Variants in NRCAM observed in about 807,000 individuals in gnomAD.
The protein encoded by NRCAM is NgCAM-related cell adhesion molecule.
A neutral mutation model predicts 156.5 loss-of-function variants in NRCAM; 83 were observed. That is an observed-to-expected ratio of 0.53 (90% confidence interval 0.44 to 0.64). The LOEUF is 0.64. NRCAM is among the 30% of genes least tolerant of loss of function. The probability of loss-of-function intolerance (pLI) is 0.00; values close to 1 mark genes in which losing one functional copy is unlikely to be tolerated. For missense variants in NRCAM, 1,417 were observed against 1,597.3 expected (o/e 0.89, Z 1.92); for synonymous variants, 538 against 563.9 (o/e 0.95, Z 0.65).
intron 2 of NRCAM, among the ~76,000 whole-genome samples, chr7:108,381,889 G>A (rs1393439657): frequency 6.6e-6 from 1 of 152,074 alleles, no homozygotes; most frequent in African/African-American, 2.4e-5. Context: ...CATGGCTTTA[G>A]GGTAATCTCA....
In NRCAM at chr7:108,181,910, C is replaced by T. The variant is rs557294509; in HGVS notation, c.2558G>A (p.Arg853His). The T allele has an allele frequency of 1.1e-5, 18 of 1,613,936 alleles. No homozygotes were observed. Among genetic ancestry groups the T allele is most frequent in the East Asian group, 2.2e-5 (1 of 44,890 alleles). ...TAAGGTACTGTTCACCACATTCACA[C>T]GCACGTTCCCAGGAGCCACCATTGG... ...DLPMVAPGNV[R>H]VNVVNSTLAE... is the part of the protein sequence containing the mutation. Residue 853 changes from arginine to histidine, a missense_variant, in exon 24 of 33, where the codon CGT becomes CAT. Coordinates refer to ENST00000379028, the MANE Select transcript of NRCAM (RefSeq NM_001037132.4).
intron 1 of NRCAM, among the ~76,000 whole-genome samples, chr7:108,432,049 C>A (rs1181039149): frequency 2.6e-5 from 4 of 152,150 alleles, no homozygotes; most frequent in African/African-American, 9.7e-5. Context: ...ACAGGCAATG[C>A]TGCTAAGAAA....
At position 108,182,745 on chromosome 7, in the gene NRCAM, A is replaced by T; in HGVS notation, c.2480T>A (p.Met827Lys). Reference sequence around the variant, plus strand: ...TACAGCTGGCTCGGGGGCAAACCCCATGTCATTCAGGGCCTGAACTTTGAT... The same window carrying T: ...TACAGCTGGCTCGGGGGCAAACCCCTTGTCATTCAGGGCCTGAACTTTGAT... ...YLIKVQALND[M>K]GFAPEPAVVM... Residue 827 changes from methionine to lysine, a missense_variant, in exon 23 of 33, where the codon ATG becomes AAG. Coordinates refer to ENST00000379028, the MANE Select transcript of NRCAM (RefSeq NM_001037132.4). 2 of 1,614,242 alleles carry T rather than the reference A, an allele frequency of 1.2e-6. No homozygotes were observed. The highest frequency in any genetic ancestry group is 1.7e-6 in the Non-Finnish European group (2 of 1,180,046).
chr7:108,368,235 C>CCCA, intron 2 of NRCAM, among the ~76,000 whole-genome samples: 1 of 95,132 alleles, frequency 1.1e-5, no homozygotes. Flanking sequence ...CCCCCCCCCA[C>CCCA]CCCCCCGCCT....
intron 1 of NRCAM, among the ~76,000 whole-genome samples, chr7:108,411,018 T>C (rs1368482290): frequency 2.0e-5 from 3 of 152,196 alleles, no homozygotes; most frequent in Non-Finnish European, 4.4e-5. Context: ...TAAAAAAACT[T>C]TCCTTCTACA....
intron 2 of NRCAM, among the ~76,000 whole-genome samples, chr7:108,384,974 T>C (rs1478043416): frequency 1.3e-5 from 2 of 152,156 alleles, no homozygotes; most frequent in Non-Finnish European, 2.9e-5. Context: ...GAACAAAGAA[T>C]AGCAGTATGA....
At chr7:108,181,350 A>G (rs1358316543) in intron 24 of NRCAM, among the ~76,000 whole-genome samples, 3 of 152,056 alleles carry the variant, frequency 2.0e-5, no homozygotes, top group African/African-American at 4.8e-5. Context: ...TTTATCTTTC[A>G]GTACTTCTCA....
intron 13 of NRCAM, among the ~76,000 whole-genome samples, chr7:108,199,793 G>GT (rs1369472344): frequency 2.0e-5 from 3 of 152,178 alleles, no homozygotes; most frequent in Non-Finnish European, 4.4e-5. Flanking sequence ...CTTTTGCCAT[G>GT]TAAGGTGACA....
At position 108,234,618 on chromosome 7, in the gene NRCAM, T is replaced by A; in HGVS notation, c.195A>T (p.Val65=). Residue 65 remains valine, a synonymous_variant, in exon 6 of 33, where the codon GTA becomes GTT. Coordinates refer to ENST00000379028, the MANE Select transcript of NRCAM (RefSeq NM_001037132.4). The part of the protein sequence containing the change: ...DYIIDPRENI[V]IQCEAKGKPP... ...GTTTCCCTTTGGCTTCACACTGGAT[T>A]ACAATATTCTCCCGAGGGTCAATAA... 3.6e-5 allele frequency: 58 copies of A among 1,613,182 alleles called. No individual in the cohort carries two copies. The highest frequency in any genetic ancestry group is 4.9e-5 in the Non-Finnish European group (58 of 1,179,318).
chr7:108,288,975 G>A (rs943390918), intron 3 of NRCAM, among the ~76,000 whole-genome samples: 1 of 152,024 alleles, frequency 6.6e-6, no homozygotes, highest in African/African-American at 2.4e-5. Context: ...GTGGGGTAGG[G>A]GGTTGAAGAT....
chr7:108,235,968 T>C (rs545742489), intron 5 of NRCAM, among the ~76,000 whole-genome samples: 1 of 152,240 alleles, frequency 6.6e-6, no homozygotes, highest in East Asian at 1.9e-4. Context: ...CTCTCTTGGA[T>C]TCTCACTGTT....
rs575547198 is a variant in NRCAM at position 108,372,382 on chromosome 7, C to T, written c.-174+27054G>A. Among the ~76,000 whole-genome samples, 160 of 151,718 alleles carry T rather than the reference C, an allele frequency of 1.1e-3. 1 individual carries two copies. The highest frequency in any genetic ancestry group is 3.1e-3 in the African/African-American group (130 of 41,406). On this transcript the variant is annotated intron_variant, in intron 2 of 32. Transcript: ENST00000379028. ...TCAAACAACAACAACAACAAAAAAT[C>T]TGTACAGGAAAGGAAATTATCAATA...
At chr7:108,160,688 A>G (rs956845412) in intron 30 of NRCAM, among the ~76,000 whole-genome samples, 196 bp from the exon 31 acceptor site, 15 of 152,262 alleles carry the variant, frequency 9.9e-5, no homozygotes, top group African/African-American at 3.6e-4. Flanking sequence ...TCATTAAAAA[A>G]TTCAAGTAGA....
At chr7:108,324,877 C>CATTTTTTTTTTT (rs201240389) in intron 2 of NRCAM, among the ~76,000 whole-genome samples, 1 of 82,676 alleles carries the variant, frequency 1.2e-5, no homozygotes, top group Admixed American at 1.4e-4. Context: ...TGGCACTGTA[C>CATTTTTTTTTTT]TTTTTTTTTT....
At chr7:108,217,513 G>A (rs570612561) in intron 11 of NRCAM, among the ~76,000 whole-genome samples, 18 of 152,280 alleles carry the variant, frequency 1.2e-4, no homozygotes, top group East Asian at 1.9e-4. Flanking sequence ...CTGAAGCTGC[G>A]CCCACAGCTG....
intron 12 of NRCAM, among the ~76,000 whole-genome samples, chr7:108,208,761 T>G (rs542118369): frequency 1.3e-5 from 2 of 152,222 alleles, no homozygotes; most frequent in African/African-American, 4.8e-5. Flanking sequence ...CCCTGAGGTT[T>G]TGGGCTTTTG....
intron 15 of NRCAM, 141 bp downstream of exon 15, chr7:108,195,620 G>A (rs201409796): frequency 2.5e-3 from 1,369 of 541,170 alleles, no homozygotes; most frequent in East Asian, 3.4e-3. Context: ...TGTCTCACAA[G>A]AAAAAAAAAT....
At chr7:108,212,302 G>C (rs2085014075) in intron 11 of NRCAM, among the ~76,000 whole-genome samples, 1 of 152,072 alleles carries the variant, frequency 6.6e-6, no homozygotes, top group Admixed American at 6.5e-5. Context: ...GAAGGAACCA[G>C]AAAACCAACT....
At chr7:108,412,468 A>T (rs976659820) in intron 1 of NRCAM, among the ~76,000 whole-genome samples, 7 of 152,146 alleles carry the variant, frequency 4.6e-5, no homozygotes, top group African/African-American at 1.7e-4. Flanking sequence ...GTACAACATT[A>T]TGTTTTGAAA....
Sources: allele counts gnomAD v4.1 joint callset (sites outside exome capture counted in the v4.1 genomes callset), GRCh38; gene constraint gnomAD v4.1.1; transcripts MANE v1.5; gene names NCBI Gene and HGNC (gene_info 2026-07-23, HGNC 2026-07-21).